The following GRIP1 variants were observed in gnomAD, a reference collection of about 807,000 sequenced individuals.
The protein encoded by GRIP1 is glutamate receptor interacting protein 1, also known as glutamate receptor-interacting protein 1.
A neutral mutation model predicts 129.9 loss-of-function variants in GRIP1; 45 were observed. The ratio of observed to expected loss-of-function variants is 0.35; its 90% CI spans 0.27 to 0.44. The LOEUF is 0.44. Ranked by LOEUF, GRIP1 falls within the 20% of genes least tolerant of loss-of-function variation. The pLI, the probability that GRIP1 is intolerant of heterozygous loss-of-function variation, is 1.00. For synonymous variants in GRIP1, 530 were observed against 520.8 expected (o/e 1.02, Z -0.24); for missense variants, 1,196 against 1,396.8 (o/e 0.86, Z 2.29).
chr12:66,765,492 T>G (rs890307121), intron 1 of GRIP1, among the ~76,000 whole-genome samples: 1 of 152,204 alleles, frequency 6.6e-6, no homozygotes, highest in Admixed American at 6.5e-5. Flanking sequence ...AAATTAGATC[T>G]TACTTAAAAT....
At chr12:66,991,366 T>A (rs1195194200) in intron 1 of GRIP1, among the ~76,000 whole-genome samples, 3 of 152,130 alleles carry the variant, frequency 2.0e-5, no homozygotes, top group Non-Finnish European at 4.4e-5. Flanking sequence ...AAAATCAAAT[T>A]AGTAATGATT....
At chr12:66,404,655 T>G (rs987651891) in intron 16 of GRIP1, among the ~76,000 whole-genome samples, 1 of 152,176 alleles carries the variant, frequency 6.6e-6, no homozygotes, top group African/African-American at 2.4e-5. Flanking sequence ...TAATTAATCT[T>G]ATATAACCTA....
chr12:66,658,030 C>A (rs1167264876), intron 1 of GRIP1, among the ~76,000 whole-genome samples: 1 of 152,072 alleles, frequency 6.6e-6, no homozygotes, highest in Non-Finnish European at 1.5e-5. Flanking sequence ...TCCTGATAAA[C>A]CCTTAAGGGG....
At chr12:66,890,765 T>C (rs1476076231) in intron 1 of GRIP1, among the ~76,000 whole-genome samples, 1 of 152,168 alleles carries the variant, frequency 6.6e-6, no homozygotes, top group Non-Finnish European at 1.5e-5. Flanking sequence ...GAAAAAGAAA[T>C]TATCTGCCTA....
Position 66,476,680 on chromosome 12 carries a change from T to C in GRIP1, c.725-11258A>G, listed in dbSNP as rs532245269. Among the ~76,000 whole-genome samples the C allele has an allele frequency of 2.6e-5, 4 of 152,290 alleles. No individual in the cohort carries two copies. The South Asian group carries it at 6.2e-4, about 24-fold the overall frequency. The stretch of plus-strand genomic sequence containing the variant: ...AGCACATCAAAAGGCTTATCCACCA[T>C]GATCAAGTGGGCTTCATCCCTGGGA... On this transcript the variant is annotated intron_variant, in intron 7 of 24. Coordinates refer to ENST00000359742, the MANE Select transcript of GRIP1 (RefSeq NM_001366722.1).
chr12:67,004,996 A>G (rs1189030900), intron 1 of GRIP1, among the ~76,000 whole-genome samples: 3 of 149,504 alleles, frequency 2.0e-5, no homozygotes, highest in East Asian at 1.9e-4. Context: ...TTCAAAAGTC[A>G]TAAGATGAAC....
intron 1 of GRIP1, among the ~76,000 whole-genome samples, chr12:66,660,392 T>C (rs1324808124): frequency 6.6e-6 from 1 of 152,160 alleles, no homozygotes; most frequent in Non-Finnish European, 1.5e-5. Flanking sequence ...CCTTCAATGC[T>C]GTTTGAGGCA....
intron 2 of GRIP1, among the ~76,000 whole-genome samples, chr12:66,570,590 C>T (rs2062927562): frequency 6.6e-6 from 1 of 152,120 alleles, no homozygotes; most frequent in South Asian, 2.1e-4. Flanking sequence ...ATGGCCATTT[C>T]TAGCTTTAGC....
intron 5 of GRIP1, 149 bp from the exon 6 acceptor site, chr12:66,518,125 G>A: frequency 1.5e-6 from 1 of 681,906 alleles, no homozygotes; most frequent in Non-Finnish European, 2.6e-6. Flanking sequence ...AAGCCTTAAA[G>A]GTCTTGCTCA....
intron 1 of GRIP1, among the ~76,000 whole-genome samples, chr12:66,643,827 G>A (rs888154706): frequency 2.6e-5 from 4 of 152,188 alleles, no homozygotes; most frequent in African/African-American, 9.7e-5. Flanking sequence ...TCCTTCCAAA[G>A]TGCTGGGATT....
At chr12:66,444,277 G>C (rs1366562097) in intron 13 of GRIP1, among the ~76,000 whole-genome samples, 1 of 151,636 alleles carries the variant, frequency 6.6e-6, no homozygotes, top group Admixed American at 6.6e-5. Context: ...ATGAGGTCAG[G>C]AGATCGAGAC....
intron 11 of GRIP1, among the ~76,000 whole-genome samples, chr12:66,448,575 T>C (rs2058694304): frequency 6.6e-6 from 1 of 152,190 alleles, no homozygotes; most frequent in African/African-American, 2.4e-5. Flanking sequence ...TTCTCAACTC[T>C]TTCTCTTTAG....
At chr12:66,351,565 T>G (rs1420711844) in intron 24 of GRIP1, among the ~76,000 whole-genome samples, 1 of 151,304 alleles carries the variant, frequency 6.6e-6, no homozygotes, top group African/African-American at 2.4e-5. Flanking sequence ...GGTTTTTTTT[T>G]TTTTTTTTTT....
chr12:66,678,470 T>C (rs2034440594), intron 1 of GRIP1, among the ~76,000 whole-genome samples: 1 of 152,132 alleles, frequency 6.6e-6, no homozygotes, highest in Non-Finnish European at 1.5e-5. Context: ...CCAGCTGCAT[T>C]TAGTATATGT....
intron 1 of GRIP1, among the ~76,000 whole-genome samples, chr12:66,689,322 G>A (rs1393082412): frequency 4.6e-5 from 7 of 152,302 alleles, no homozygotes; most frequent in Admixed American, 2.0e-4. Flanking sequence ...AGGGGGAGCC[G>A]AAGTCCAGGA....
At chr12:66,591,250 T>C (rs990213593) in intron 2 of GRIP1, among the ~76,000 whole-genome samples, 2 of 152,248 alleles carry the variant, frequency 1.3e-5, no homozygotes, top group African/African-American at 2.4e-5. Context: ...TTTATAATCA[T>C]AGAAACTTAT....
intron 24 of GRIP1, among the ~76,000 whole-genome samples, chr12:66,351,978 G>A (rs536429538): frequency 8.5e-5 from 13 of 152,128 alleles, no homozygotes; most frequent in African/African-American, 2.4e-4. Flanking sequence ...AAGTTGAGTC[G>A]GAATGAGGCA....
chr12:66,392,888 T>G, intron 17 of GRIP1, 72 bp from the exon 18 acceptor site: 1 of 1,370,002 alleles, frequency 7.3e-7, no homozygotes, highest in Non-Finnish European at 1.0e-6. Flanking sequence ...TTCCCTGACA[T>G]ACCTTATACA....
chr12:66,437,006 GGA>G (rs1413604445), intron 13 of GRIP1, among the ~76,000 whole-genome samples: 1 of 151,244 alleles, frequency 6.6e-6, no homozygotes, highest in African/African-American at 2.4e-5. Context: ...AGGAGAAAAG[GGA>G]GAGAGATTTG....
Sources: gnomAD v4.1 joint callset for allele counts (sites outside exome capture counted in the v4.1 genomes callset) on GRCh38, gnomAD v4.1.1 for gene constraint, MANE v1.5 for transcripts, NCBI Gene and HGNC (gene_info 2026-07-23, HGNC 2026-07-21) for gene names.